Variants in MCUB observed in about 807,000 individuals in gnomAD.
MCUB encodes the protein mitochondrial calcium uniporter dominant negative subunit beta, also known as calcium uniporter regulatory subunit MCUb, mitochondrial.
MCUB carries 46 observed loss-of-function variants against 41.4 expected under a neutral mutation model. That is an observed-to-expected ratio of 1.11 (90% CI 0.88 to 1.42). The LOEUF is 1.42. Among genes scored for constraint, MCUB ranks in the 40% most tolerant of loss-of-function variants. The pLI is 0.00. For synonymous variants in MCUB, 148 were observed against 148.2 expected (o/e 1.00, Z 0.01); for missense variants, 403 against 404.9 (o/e 1.00, Z 0.04).
At chr4:109,597,603 C>T (rs971443824) in intron 1 of MCUB, among the ~76,000 whole-genome samples, 4 of 145,306 alleles carry the variant, frequency 2.8e-5, no homozygotes, top group Admixed American at 2.0e-4. Flanking sequence ...GCGCCCCTCA[C>T]CTCCCGGATG....
chr4:109,643,448 G>C (rs919927217), intron 1 of MCUB, among the ~76,000 whole-genome samples: 2 of 151,956 alleles, frequency 1.3e-5, no homozygotes, highest in Admixed American at 6.6e-5. Context: ...GCCTCCCAAA[G>C]TGCTGGGATT....
At chr4:109,561,369 T>C (rs1331405896) in intron 1 of MCUB, among the ~76,000 whole-genome samples, 2 of 152,196 alleles carry the variant, frequency 1.3e-5, no homozygotes, top group Non-Finnish European at 2.9e-5. Context: ...ATTTTGTTCT[T>C]TTTTTTCCTT....
At chr4:109,659,607 A>G (rs1442637450) in intron 2 of MCUB, among the ~76,000 whole-genome samples, 3 of 152,128 alleles carry the variant, frequency 2.0e-5, no homozygotes, top group Non-Finnish European at 4.4e-5. Context: ...AAAAAAACAA[A>G]TAGTTTCTGT....
chr4:109,637,320 G>C (rs76573100), intron 1 of MCUB, among the ~76,000 whole-genome samples: 1 of 152,220 alleles, frequency 6.6e-6, no homozygotes, highest in Non-Finnish European at 1.5e-5. Flanking sequence ...AAGTTTGAAA[G>C]AGGCTAGTCA....
chr4:109,596,959 G>A (rs1167427618), intron 1 of MCUB, among the ~76,000 whole-genome samples: 34 of 151,796 alleles, frequency 2.2e-4, no homozygotes, highest in Middle Eastern at 3.4e-3. Context: ...GCCTTCAAGC[G>A]TCTGTTTAAC....
At chr4:109,564,149 T>G (rs538247603) in intron 1 of MCUB, among the ~76,000 whole-genome samples, 4 of 152,162 alleles carry the variant, frequency 2.6e-5, no homozygotes, top group Non-Finnish European at 5.9e-5. Flanking sequence ...TTCTTTTTTT[T>G]TTGAGACGGA....
chr4:109,603,900 T>C (rs1399420728), intron 1 of MCUB, among the ~76,000 whole-genome samples: 2 of 152,196 alleles, frequency 1.3e-5, no homozygotes, highest in Non-Finnish European at 2.9e-5. Context: ...CAACAGCTCA[T>C]TGAGAACGGG....
At chr4:109,630,326 G>C (rs369667318) in intron 1 of MCUB, among the ~76,000 whole-genome samples, 58 of 152,048 alleles carry the variant, frequency 3.8e-4, no homozygotes, top group African/African-American at 1.3e-3. Context: ...GCCAGATTTC[G>C]TGGTGCAAGC....
intron 1 of MCUB, among the ~76,000 whole-genome samples, chr4:109,608,431 T>G (rs1243264203): frequency 6.6e-6 from 1 of 152,158 alleles, no homozygotes; most frequent in Non-Finnish European, 1.5e-5. Context: ...CATGTTTTCC[T>G]GGATGGTCTT....
intron 1 of MCUB, among the ~76,000 whole-genome samples, chr4:109,644,173 G>A (rs930419856): frequency 6.6e-6 from 1 of 152,154 alleles, no homozygotes; most frequent in African/African-American, 2.4e-5. Flanking sequence ...TATAGTATGT[G>A]TATAGTTTCT....
At chr4:109,669,572 G>T (rs573844644) in intron 4 of MCUB, among the ~76,000 whole-genome samples, 3 of 152,000 alleles carry the variant, frequency 2.0e-5, no homozygotes, top group Non-Finnish European at 4.4e-5. Flanking sequence ...CATTAGTTTG[G>T]GGGGAGTTCT....
chr4:109,614,528 C>T (rs1237326390), intron 1 of MCUB, among the ~76,000 whole-genome samples: 1 of 151,614 alleles, frequency 6.6e-6, no homozygotes, highest in Non-Finnish European at 1.5e-5. Flanking sequence ...AGATGACCCA[C>T]ACCAGAACCC....
At chr4:109,609,434 GTGAGGA>G (rs1442823832) in intron 1 of MCUB, among the ~76,000 whole-genome samples, 2 of 152,206 alleles carry the variant, frequency 1.3e-5, no homozygotes, top group African/African-American at 4.8e-5. Flanking sequence ...GAGTGTAGCA[GTGAGGA>G]TGACCAGAGG....
At chr4:109,623,071 G>A (rs1362806911) in intron 1 of MCUB, among the ~76,000 whole-genome samples, 1 of 152,118 alleles carries the variant, frequency 6.6e-6, no homozygotes, top group Admixed American at 6.6e-5. Context: ...CAAGATAATC[G>A]CCCTGCATGA....
intron 4 of MCUB, among the ~76,000 whole-genome samples, chr4:109,680,107 G>C (rs935632784): frequency 1.3e-5 from 2 of 152,068 alleles, no homozygotes; most frequent in Non-Finnish European, 2.9e-5. Context: ...TGGCCTGAGG[G>C]TATAAATTTT....
chr4:109,581,938 A>G (rs1390651012), intron 1 of MCUB, among the ~76,000 whole-genome samples: 1 of 152,234 alleles, frequency 6.6e-6, no homozygotes, highest in Admixed American at 6.5e-5. Context: ...GTGGGACTGT[A>G]AACTAGTTCA....
At chr4:109,687,436 T>C in intron 7 of MCUB, 79 bp from the exon 8 acceptor site, 2 of 976,280 alleles carry the variant, frequency 2.0e-6, no homozygotes, top group Non-Finnish European at 3.3e-6. Context: ...ACGCTAAGTT[T>C]ATAGAATTCC....
In MCUB at chr4:109,588,013, G is replaced by A. The variant is rs1028565864; in HGVS notation, c.99+27577G>A. On this transcript the variant is annotated intron_variant, in intron 1 of 7. Transcript: ENST00000394650. ...TAAAATACAGAAACCTTAAAGTGTT[G>A]CGTTAAGTATCTAATGGACAGTGCT... 2.0e-5 allele frequency among the ~76,000 whole-genome samples: 3 copies of A among 152,192 alleles called. No homozygotes were observed. The South Asian group carries it at 6.2e-4, about 32-fold the overall frequency.
chr4:109,684,037 T>C (rs1335934175), intron 5 of MCUB, among the ~76,000 whole-genome samples: 1 of 152,024 alleles, frequency 6.6e-6, no homozygotes, highest in Admixed American at 6.6e-5. Context: ...GTAATGCAGA[T>C]GTGCATTTGT....
Sources: gnomAD v4.1 joint callset for allele counts (sites outside exome capture counted in the v4.1 genomes callset) on GRCh38, gnomAD v4.1.1 for gene constraint, MANE v1.5 for transcripts, NCBI Gene and HGNC (gene_info 2026-07-23, HGNC 2026-07-21) for gene names.